Variants in UBE3C observed in about 807,000 individuals in gnomAD.
The protein encoded by UBE3C is ubiquitin-protein ligase E3C.
A neutral mutation model predicts 129.4 loss-of-function variants in UBE3C; 42 were observed. The ratio of observed to expected loss-of-function variants is 0.32; its 90% CI spans 0.25 to 0.42. UBE3C has a LOEUF of 0.42. UBE3C is among the 10% of genes least tolerant of loss of function. The pLI is 1.00. For synonymous variants in UBE3C, 510 were observed against 492.4 expected, an observed-to-expected ratio of 1.04 and a Z score of -0.47; for missense variants, 1,049 against 1,319.1, an observed-to-expected ratio of 0.80 and a Z score of 3.17.
chr7:157,257,236 G>C (rs1433697686), intron 22 of UBE3C, among the ~76,000 whole-genome samples, 192 bp downstream of exon 22: 1 of 151,936 alleles, frequency 6.6e-6, no homozygotes, highest in African/African-American at 2.4e-5. Flanking sequence ...TTTTTTGTTT[G>C]TTCACAATAA....
At chr7:157,266,092 A>T (rs1199027491) in intron 22 of UBE3C, among the ~76,000 whole-genome samples, 1 of 152,146 alleles carries the variant, frequency 6.6e-6, no homozygotes, top group Non-Finnish European at 1.5e-5. Flanking sequence ...AGGCGGGTGG[A>T]TCACGAGGTC....
intron 1 of UBE3C, among the ~76,000 whole-genome samples, chr7:157,156,456 G>A (rs550855310): frequency 2.6e-4 from 40 of 151,474 alleles, no homozygotes; most frequent in South Asian, 4.2e-4. Context: ...ACAGGCGCAT[G>A]TCACCACCCC....
intron 18 of UBE3C, among the ~76,000 whole-genome samples, chr7:157,244,272 C>G (rs905827847): frequency 5.9e-5 from 9 of 152,106 alleles, no homozygotes; most frequent in African/African-American, 1.9e-4. Context: ...TCTCCTGCCC[C>G]CTAGGAGTTT....
At chr7:157,232,351 A>AGTTT (rs371024243) in intron 18 of UBE3C, among the ~76,000 whole-genome samples, 3,289 of 152,066 alleles carry the variant, frequency 0.022, 105 homozygotes, top group African/African-American at 0.074. Context: ...AATTGTTATT[A>AGTTT]GTTTGTTTGT....
chr7:157,231,062 C>T lies in UBE3C; in HGVS notation c.2234-18C>T, dbSNP rs771534763. 1 of 1,611,580 alleles carries T rather than the reference C, an allele frequency of 6.2e-7. No homozygotes were observed. Among genetic ancestry groups the T allele is most frequent in the South Asian group, 1.1e-5 (1 of 90,740 alleles). ...TTGTAACATCTTTCCTCCTCACCCT[C>T]CCATTTTTTTTTAACAGAGCCTGAT... On this transcript the variant is annotated intron_variant, in intron 17 of 22. Coordinates refer to ENST00000348165, the MANE Select transcript of UBE3C (RefSeq NM_014671.3).
intron 18 of UBE3C, among the ~76,000 whole-genome samples, chr7:157,238,039 C>T (rs1397026897): frequency 6.6e-6 from 1 of 151,976 alleles, no homozygotes; most frequent in Non-Finnish European, 1.5e-5. Context: ...GTGACAGAGA[C>T]CCTGTCTCAA....
At position 157,163,198 on chromosome 7, in the gene UBE3C, A is replaced by G. The variant is rs549897780; in HGVS notation, c.67-612A>G. 7.2e-5 allele frequency among the ~76,000 whole-genome samples: 11 copies of G among 152,058 alleles called. No homozygotes were observed. The South Asian group carries it at 2.3e-3, about 32-fold the overall frequency. ...CAGGAGATCGAGACCATCCTGGCTA[A>G]CACAGTGAAACCCCGTCTCTACTAA... On this transcript the variant is annotated intron_variant, in intron 1 of 22. Coordinates refer to ENST00000348165, the MANE Select transcript of UBE3C (RefSeq NM_014671.3).
At position 157,207,448 on chromosome 7, in the gene UBE3C, T is replaced by C. The variant is rs1253786833; in HGVS notation, c.1469T>C (p.Phe490Ser). Residue 490 changes from phenylalanine (F) to serine (S), a missense_variant, in exon 12 of 23, where the codon TTT becomes TCT. Around this residue, in one of 4 missense-constraint regions of UBE3C, gnomAD observed 314 missense variants for 416.9 expected, o/e 0.75. Transcript: ENST00000348165. ...ATATCCAGGGGTTCTCCTATGTCTT[T>C]TGAAGATTCTAGTCGAATCATCCCA... ...QVISRGSPMS[F>S]EDSSRIIPLF... The C allele has an allele frequency of 1.2e-6, 2 of 1,613,932 alleles. No individual in the cohort carries two copies. Among genetic ancestry groups the C allele is most frequent in the African/African-American group, 1.3e-5 (1 of 74,922 alleles).
chr7:157,202,073 A>G (rs1809301552), intron 11 of UBE3C, among the ~76,000 whole-genome samples: 1 of 152,224 alleles, frequency 6.6e-6, no homozygotes, highest in African/African-American at 2.4e-5. Context: ...TTAAAAAAGC[A>G]GACATTTGGA....
rs1322687934 is a variant in UBE3C at position 157,207,512 on chromosome 7, A to G, written c.1533A>G (p.Leu511=). ...YLFSSLFSHS[L]ISIHDNEFFG... ...TTAGCTCCTTGTTTAGTCATTCACT[A>G]ATTTCCATACATGATAACGAATTCT... The change falls in exon 12 of 23, where the codon CTA becomes CTG. Residue 511 remains leucine (L), a synonymous_variant. Coordinates refer to ENST00000348165, the MANE Select transcript of UBE3C (RefSeq NM_014671.3). The G allele has an allele frequency of 1.2e-6, 2 of 1,613,364 alleles. No homozygotes were observed. Among genetic ancestry groups the G allele is most frequent in the South Asian group, 1.1e-5 (1 of 90,756 alleles).
chr7:157,155,054 T>C (rs1188692863), intron 1 of UBE3C, among the ~76,000 whole-genome samples: 1 of 151,508 alleles, frequency 6.6e-6, no homozygotes, highest in Non-Finnish European at 1.5e-5. Flanking sequence ...GCATTATGTT[T>C]TATAAATATG....
chr7:157,159,745 TC>T (rs1808018436), intron 1 of UBE3C, among the ~76,000 whole-genome samples: 1 of 152,136 alleles, frequency 6.6e-6, no homozygotes, highest in Non-Finnish European at 1.5e-5. Flanking sequence ...CACATGGTAA[TC>T]CCGGCGGCGG....
At chr7:157,228,229 T>C (rs1475228060) in intron 17 of UBE3C, among the ~76,000 whole-genome samples, 1 of 152,246 alleles carries the variant, frequency 6.6e-6, no homozygotes, top group African/African-American at 2.4e-5. Flanking sequence ...CAGAGATTGA[T>C]GGCTGTTCCT....
intron 17 of UBE3C, among the ~76,000 whole-genome samples, chr7:157,229,034 CTA>C (rs765820921): frequency 6.5e-4 from 99 of 152,276 alleles, no homozygotes; most frequent in African/African-American, 2.3e-3. Context: ...GTTTGGGTGA[CTA>C]TGCACCAAAG....
intron 10 of UBE3C, among the ~76,000 whole-genome samples, chr7:157,191,891 A>G (rs565734297): frequency 1.1e-4 from 17 of 152,210 alleles, no homozygotes; most frequent in Non-Finnish European, 1.8e-4. Context: ...AATTTTGTCT[A>G]TAATTTCATA....
Position 157,267,842 on chromosome 7 carries a change from G to C in UBE3C, c.*87G>C. 5 of 1,188,144 alleles carry C rather than the reference G, an allele frequency of 4.2e-6. No homozygotes were observed. Among genetic ancestry groups the C allele is most frequent in the Non-Finnish European group, 5.8e-6 (5 of 867,680 alleles). 73.6% of individuals were successfully genotyped at this position (1,188,144 alleles called of 1,614,324 possible). A position where few individuals can be genotyped will look rare whatever the true frequency, so the allele number is the denominator to read the frequency against. On this transcript the variant is annotated 3_prime_UTR_variant, in exon 23 of 23. Coordinates refer to ENST00000348165, the MANE Select transcript of UBE3C (RefSeq NM_014671.3). Reference sequence around the variant, plus strand: ...CCAGACCCACGAGGATACTCACACTGCACGCCTGAGGCTCTCCTAAGCTCC... The same window carrying C: ...CCAGACCCACGAGGATACTCACACTCCACGCCTGAGGCTCTCCTAAGCTCC...
chr7:157,169,138 A>T lies in UBE3C; in HGVS notation c.195+16A>T. 6.2e-7 allele frequency: 1 copy of T among 1,605,912 alleles called. No individual in the cohort carries two copies. Among genetic ancestry groups the T allele is most frequent in the Non-Finnish European group, 8.5e-7 (1 of 1,173,338 alleles). ...AAAACAGCAAGTAAGTTTGTTTTAAAATGAGGAGATTAGTAGGGCATGGGA... is the reference window on the plus strand; with the variant it reads ...AAAACAGCAAGTAAGTTTGTTTTAATATGAGGAGATTAGTAGGGCATGGGA... On this transcript the variant is annotated intron_variant, in intron 3 of 22. Coordinates refer to ENST00000348165, the MANE Select transcript of UBE3C (RefSeq NM_014671.3).
intron 19 of UBE3C, among the ~76,000 whole-genome samples, chr7:157,253,345 G>A (rs879634244): frequency 1.3e-5 from 2 of 152,294 alleles, no homozygotes; most frequent in South Asian, 2.1e-4. Flanking sequence ...GGAGCTCCAC[G>A]TTATACCTGC....
At chr7:157,199,070 C>A (rs919042135) in intron 10 of UBE3C, among the ~76,000 whole-genome samples, 3 of 152,174 alleles carry the variant, frequency 2.0e-5, no homozygotes, top group African/African-American at 7.2e-5. Context: ...TGTCTACACA[C>A]AAGGGTCTGG....
Sources: allele counts gnomAD v4.1 joint callset (sites outside exome capture counted in the v4.1 genomes callset), GRCh38; gene constraint gnomAD v4.1.1; regional missense constraint gnomAD v4.1.1; transcripts MANE v1.5; gene names NCBI Gene and HGNC (gene_info 2026-07-23, HGNC 2026-07-21).